The following DKK2 variants were observed in gnomAD, a reference collection of about 807,000 sequenced individuals.
DKK2 encodes dickkopf Wnt signaling pathway inhibitor 2, also known as dickkopf-related protein 2.
Under a neutral mutation model 28.1 loss-of-function variants are expected in DKK2, and 11 were observed. The ratio of observed to expected loss-of-function variants is 0.39; its 90% CI spans 0.25 to 0.65. The LOEUF is 0.65. DKK2 is among the 30% of genes least tolerant of loss of function. The pLI, the probability that DKK2 is intolerant of heterozygous loss-of-function variation, is 0.47. For synonymous variants in DKK2, 135 were observed against 126.5 expected (o/e 1.07, Z -0.45); for missense variants, 326 against 335.5 (o/e 0.97, Z 0.22).
chr4:107,019,777 C>A (rs1316793807), intron 1 of DKK2, among the ~76,000 whole-genome samples: 1 of 152,000 alleles, frequency 6.6e-6, no homozygotes, highest in Non-Finnish European at 1.5e-5. Flanking sequence ...TACAGAATAT[C>A]ACTCCCTCAA....
chr4:106,984,270 G>A (rs1263137220), intron 1 of DKK2, among the ~76,000 whole-genome samples: 1 of 152,128 alleles, frequency 6.6e-6, no homozygotes, highest in African/African-American at 2.4e-5. Context: ...ACAGTGTTGT[G>A]CAACCATCAC....
At chr4:107,030,610 C>T (rs1308975100) in intron 1 of DKK2, among the ~76,000 whole-genome samples, 1 of 151,988 alleles carries the variant, frequency 6.6e-6, no homozygotes, top group Non-Finnish European at 1.5e-5. Context: ...AGTAAAACAA[C>T]TCCAACAGGC....
At chr4:106,987,903 T>C (rs1265533268) in intron 1 of DKK2, among the ~76,000 whole-genome samples, 1 of 151,760 alleles carries the variant, frequency 6.6e-6, no homozygotes, top group Non-Finnish European at 1.5e-5. Flanking sequence ...CTCAATCTGT[T>C]GCCAGGCTGG....
At chr4:106,924,257 T>A (rs1724392973) in intron 3 of DKK2, 53 bp from the exon 4 acceptor site, 7 of 1,573,328 alleles carry the variant, frequency 4.4e-6, no homozygotes, top group South Asian at 1.2e-5. Flanking sequence ...AAAAAAAAAA[T>A]TCTATTTTGC....
chr4:106,979,292 T>C (rs868317912), intron 1 of DKK2, among the ~76,000 whole-genome samples: 1 of 152,120 alleles, frequency 6.6e-6, no homozygotes, highest in Non-Finnish European at 1.5e-5. Context: ...ACATACTGCT[T>C]TGTCTGTTGG....
At chr4:106,943,282 A>T (rs1363800002) in intron 1 of DKK2, among the ~76,000 whole-genome samples, 2 of 152,058 alleles carry the variant, frequency 1.3e-5, no homozygotes, top group African/African-American at 2.4e-5. Flanking sequence ...ATACTCTTTG[A>T]GTAAGGAAAT....
chr4:106,978,917 C>T (rs566568421), intron 1 of DKK2, among the ~76,000 whole-genome samples: 5 of 152,182 alleles, frequency 3.3e-5, no homozygotes, highest in Non-Finnish European at 7.4e-5. Flanking sequence ...TCCTAGTCTA[C>T]GGGTTGCGAA....
chr4:106,948,980 ATCTCTGTT>A (rs1724819398), intron 1 of DKK2, among the ~76,000 whole-genome samples: 1 of 152,110 alleles, frequency 6.6e-6, no homozygotes, highest in Non-Finnish European at 1.5e-5. Flanking sequence ...TCTCTTTCAG[ATCTCTGTT>A]TAAGTTGAGG....
At position 107,017,176 on chromosome 4, in the gene DKK2, G is replaced by C. The variant is rs1723622162; in HGVS notation, c.222+18194C>G. On this transcript the variant is annotated intron_variant, in intron 1 of 3. Coordinates refer to ENST00000285311, the MANE Select transcript of DKK2 (RefSeq NM_014421.3). The stretch of plus-strand genomic sequence containing the variant: ...TTTATCCATTCTATAATGTAGTCCA[G>C]AATCAATATCAAGCTCACCATTCTG... Among the ~76,000 whole-genome samples the C allele has an allele frequency of 2.0e-5, 3 of 151,910 alleles. No homozygotes were observed. In the South Asian group the frequency reaches 6.2e-4, roughly 31 times the overall value.
chr4:106,940,062 G>A lies in DKK2; in HGVS notation c.223-14113C>T, dbSNP rs1302217333. 4.6e-5 allele frequency among the ~76,000 whole-genome samples: 7 copies of A among 152,290 alleles called. No homozygotes were observed. In the East Asian group the frequency reaches 1.4e-3, roughly 29 times the overall value. ...ACATAGGCATGGGCAAGGACTTCAT[G>A]TCTAAAACACCAAAAGCAATGGCAA... On this transcript the variant is annotated intron_variant, in intron 1 of 3. Coordinates refer to ENST00000285311, the MANE Select transcript of DKK2 (RefSeq NM_014421.3).
intron 1 of DKK2, among the ~76,000 whole-genome samples, chr4:106,934,943 G>A (rs1353243977): frequency 1.3e-5 from 2 of 152,184 alleles, no homozygotes; most frequent in African/African-American, 2.4e-5. Flanking sequence ...AAGGCAGGAA[G>A]CATTTTATCC....
intron 1 of DKK2, among the ~76,000 whole-genome samples, chr4:107,025,341 T>G (rs1282588810): frequency 6.6e-6 from 1 of 152,140 alleles, no homozygotes. Context: ...AAAAATTTTT[T>G]TAAAGATAGA....
intron 1 of DKK2, among the ~76,000 whole-genome samples, chr4:106,994,715 A>G (rs937629047): frequency 3.9e-5 from 6 of 152,200 alleles, no homozygotes; most frequent in Admixed American, 3.3e-4. Context: ...TAGAGCTTGC[A>G]AGGAACTCCC....
chr4:106,990,140 C>G (rs952821661), intron 1 of DKK2, among the ~76,000 whole-genome samples: 1 of 151,998 alleles, frequency 6.6e-6, no homozygotes, highest in Non-Finnish European at 1.5e-5. Flanking sequence ...ACATATTTTG[C>G]ACTATATATT....
At chr4:107,006,247 C>A (rs1723436707) in intron 1 of DKK2, among the ~76,000 whole-genome samples, 1 of 152,134 alleles carries the variant, frequency 6.6e-6, no homozygotes. Context: ...AAACCATTTT[C>A]ATGTGTTATT....
intron 2 of DKK2, among the ~76,000 whole-genome samples, 170 bp downstream of exon 2, chr4:106,925,629 A>G (rs1295165099): frequency 6.6e-6 from 1 of 152,228 alleles, no homozygotes; most frequent in East Asian, 1.9e-4. Flanking sequence ...AGACTCTAGG[A>G]AAACTAAGAT....
At chr4:106,977,130 C>T (rs1235005402) in intron 1 of DKK2, among the ~76,000 whole-genome samples, 1 of 152,164 alleles carries the variant, frequency 6.6e-6, no homozygotes, top group Non-Finnish European at 1.5e-5. Flanking sequence ...TTGGGCTTCC[C>T]TTTGTGGGTA....
intron 1 of DKK2, among the ~76,000 whole-genome samples, chr4:106,957,975 C>G (rs963587629): frequency 2.0e-5 from 3 of 147,548 alleles, no homozygotes; most frequent in African/African-American, 7.6e-5. Context: ...CATTTTTTTC[C>G]AAGAGTAATA....
At chr4:107,015,921 T>C (rs1246476073) in intron 1 of DKK2, among the ~76,000 whole-genome samples, 4 of 151,780 alleles carry the variant, frequency 2.6e-5, no homozygotes, top group Non-Finnish European at 3.0e-5. Context: ...ACCACTCTGA[T>C]AGATAAAGAA....
Sources: allele counts gnomAD v4.1 joint callset (sites outside exome capture counted in the v4.1 genomes callset), GRCh38; gene constraint gnomAD v4.1.1; transcripts MANE v1.5; gene names NCBI Gene and HGNC (gene_info 2026-07-23, HGNC 2026-07-21).